CNMD: variants seen among roughly 807,000 people sequenced by gnomAD.
CNMD encodes chondromodulin.
A neutral mutation model predicts 37.5 loss-of-function variants in CNMD; 30 were observed. The observed-to-expected ratio is 0.80, with a 90% confidence interval of 0.60 to 1.09. The LOEUF is 1.09. CNMD is among the 50% of genes least tolerant of loss of function. CNMD has a pLI of 0.00. For synonymous variants in CNMD, 167 were observed against 148.2 expected, an observed-to-expected ratio of 1.13 and a Z score of -0.92; for missense variants, 398 against 423.9, an observed-to-expected ratio of 0.94 and a Z score of 0.54.
chr13:52,713,734 G>A (rs1312459189), intron 4 of CNMD, among the ~76,000 whole-genome samples: 1 of 152,124 alleles, frequency 6.6e-6, no homozygotes, highest in Admixed American at 6.5e-5. Context: ...TTTGAGTACT[G>A]TAGCTTTTTA....
intron 3 of CNMD, among the ~76,000 whole-genome samples, chr13:52,727,468 C>T (rs1290491226): frequency 6.6e-6 from 1 of 152,066 alleles, no homozygotes; most frequent in Non-Finnish European, 1.5e-5. Flanking sequence ...TCGCAACCAG[C>T]CTGCACAACA....
chr13:52,733,073 C>A, intron 3 of CNMD, 146 bp downstream of exon 3: 1 of 764,698 alleles, frequency 1.3e-6, no homozygotes, highest in Admixed American at 2.0e-5. Flanking sequence ...AGAGAATATG[C>A]TACATGTAGT....
At chr13:52,735,549 A>C (rs556166823) in intron 2 of CNMD, among the ~76,000 whole-genome samples, 5 of 152,178 alleles carry the variant, frequency 3.3e-5, no homozygotes, top group African/African-American at 1.2e-4. Flanking sequence ...TTCTCCCCAG[A>C]AAGCCTCCCT....
chr13:52,734,606 A>G (rs747213545), intron 2 of CNMD, among the ~76,000 whole-genome samples: 1 of 151,706 alleles, frequency 6.6e-6, no homozygotes, highest in Non-Finnish European at 1.5e-5. Flanking sequence ...AGGTATATCT[A>G]TATATCTTAC....
chr13:52,708,402 C>G (rs944442157), intron 6 of CNMD, 134 bp downstream of exon 6: 3 of 662,698 alleles, frequency 4.5e-6, no homozygotes, highest in Non-Finnish European at 7.1e-6. Context: ...AGGCTGGCCT[C>G]GAACTCCTGA....
chr13:52,721,905 G>C (rs1359912844), intron 4 of CNMD, among the ~76,000 whole-genome samples: 1 of 152,154 alleles, frequency 6.6e-6, no homozygotes, highest in Non-Finnish European at 1.5e-5. Context: ...TAGAAGGCAG[G>C]AGAGGAGAAC....
intron 4 of CNMD, among the ~76,000 whole-genome samples, chr13:52,722,686 A>ATTAAAAGTAAGGTATTACTG (rs1964503770): frequency 6.6e-6 from 1 of 152,248 alleles, no homozygotes; most frequent in African/African-American, 2.4e-5. Flanking sequence ...CTAAACTACC[A>ATTAAAAGTAAGGTATTACTG]TTAAAAGTAA....
intron 4 of CNMD, among the ~76,000 whole-genome samples, chr13:52,713,590 G>T (rs565256693): frequency 1.3e-5 from 2 of 152,330 alleles, no homozygotes; most frequent in African/African-American, 4.8e-5. Context: ...GCTAAAAGCA[G>T]TACTTCATTT....
chr13:52,735,006 C>T (rs1964731364), intron 2 of CNMD, among the ~76,000 whole-genome samples: 1 of 152,204 alleles, frequency 6.6e-6, no homozygotes, highest in South Asian at 2.1e-4. Flanking sequence ...TCAACCATCC[C>T]TCATTGCCCC....
At chr13:52,735,135 C>G (rs1230979722) in intron 2 of CNMD, among the ~76,000 whole-genome samples, 5 of 152,220 alleles carry the variant, frequency 3.3e-5, no homozygotes, top group African/African-American at 1.2e-4. Flanking sequence ...GCACAGCCCA[C>G]CAGTCTCTTT....
intron 3 of CNMD, among the ~76,000 whole-genome samples, chr13:52,732,065 G>A (rs1964680769): frequency 6.6e-6 from 1 of 152,198 alleles, no homozygotes; most frequent in Admixed American, 6.5e-5. Flanking sequence ...TAGCTCTAAT[G>A]TTAGCATCTG....
Position 52,739,764 on chromosome 13 carries a change from G to T in CNMD, c.-63C>A. The T allele has an allele frequency of 7.0e-7, 1 of 1,428,356 alleles. No homozygotes were observed. The highest frequency in any genetic ancestry group is 1.2e-5 in the South Asian group (1 of 85,782). The allele number at this position is 1,428,356 out of a possible 1,614,324, so 88.5% of individuals were successfully genotyped here. On this transcript the variant is annotated 5_prime_UTR_variant, in exon 1 of 7. Transcript: ENST00000377962. This position sits in a 1 kb window ranked among gnomAD's most constrained non-coding sequence, Gnocchi z 5.4. ...TGGGCACCCTGGGATCTGTCCCGCT[G>T]CCCCGACGTGCAGGGCATTTCAACG... is the stretch of plus-strand genomic sequence containing the variant.
chr13:52,713,536 C>T (rs879507762), intron 4 of CNMD, among the ~76,000 whole-genome samples: 1 of 152,162 alleles, frequency 6.6e-6, no homozygotes, highest in Non-Finnish European at 1.5e-5. Context: ...ACTTATTAGT[C>T]TGCAATAGCT....
intron 4 of CNMD, among the ~76,000 whole-genome samples, chr13:52,716,263 T>A (rs902640062): frequency 6.6e-6 from 1 of 152,234 alleles, no homozygotes; most frequent in Non-Finnish European, 1.5e-5. Flanking sequence ...GTCAGATGGA[T>A]AGATTGCAAA....
At chr13:52,704,426 A>G (rs1964141466) in intron 6 of CNMD, among the ~76,000 whole-genome samples, 1 of 147,838 alleles carries the variant, frequency 6.8e-6, no homozygotes, top group African/African-American at 2.5e-5. Context: ...GTAAAATTCA[A>G]GGCCTTAAAC....
chr13:52,703,566 T>C lies in CNMD; in HGVS notation c.*29A>G. On this transcript the variant is annotated 3_prime_UTR_variant, in exon 7 of 7. Transcript: ENST00000377962. ...TGGTTGTCTCTTCAGCTAGTTCTTA[T>C]TTTACAGCACATGATATATGAAGTG... The C allele has an allele frequency of 1.3e-6, 2 of 1,504,084 alleles. No homozygotes were observed. The highest frequency in any genetic ancestry group is 1.8e-6 in the Non-Finnish European group (2 of 1,083,816). The allele number at this position is 1,504,084 out of a possible 1,614,324, so 93.2% of individuals were successfully genotyped here. A position where few individuals can be genotyped will look rare whatever the true frequency, so the allele number is the denominator to read the frequency against.
At chr13:52,733,136 T>G in intron 3 of CNMD, 83 bp downstream of exon 3, 10 of 1,376,052 alleles carry the variant, frequency 7.3e-6, no homozygotes, top group East Asian at 2.3e-5. Flanking sequence ...TGGATGTGTG[T>G]GAGAAACGCT....
At chr13:52,735,696 A>G (rs1964746247) in intron 2 of CNMD, among the ~76,000 whole-genome samples, 1 of 152,042 alleles carries the variant, frequency 6.6e-6, no homozygotes. Flanking sequence ...AAAAAAAAAA[A>G]ATCTCATAAT....
At position 52,724,053 on chromosome 13, in the gene CNMD, T is replaced by C. The variant is rs148619275; in HGVS notation, c.412A>G (p.Lys138Glu). Residue 138 changes from lysine to glutamate, a missense_variant, in exon 4 of 7, where the codon AAG becomes GAG. By Grantham distance (56) the Lys-to-Glu change is moderately conservative (BLOSUM62 1). Coordinates refer to ENST00000377962, the MANE Select transcript of CNMD (RefSeq NM_007015.3). ...GCGCCCACCTCAGGAATACGAGCCT[T>C]CACTTGCGCTTTAATGTAGCACTTC... Reference protein sequence around the residue: ...GEKCYIKAQVKARIPEVGAVT... With the variant: ...GEKCYIKAQVEARIPEVGAVT... The C allele has an allele frequency of 2.1e-5, 34 of 1,614,170 alleles. No individual in the cohort carries two copies. The African/African-American group carries it at 2.5e-4, about 12-fold the overall frequency.
Sources: gnomAD v4.1 joint callset for allele counts (sites outside exome capture counted in the v4.1 genomes callset) on GRCh38, gnomAD v4.1.1 for gene constraint, Gnocchi (gnomAD v3.1) non-coding constraint, MANE v1.5 for transcripts, NCBI Gene and HGNC (gene_info 2026-07-23, HGNC 2026-07-21) for gene names.